The following ADAMTS2 variants were observed in gnomAD, a reference collection of about 807,000 sequenced individuals.
ADAMTS2 encodes ADAM metallopeptidase with thrombospondin type 1 motif 2, also known as A disintegrin and metalloproteinase with thrombospondin motifs 2.
A neutral mutation model predicts 123.0 loss-of-function variants in ADAMTS2; 50 were observed. That is an observed-to-expected ratio of 0.41 (90% CI 0.32 to 0.51). The LOEUF is 0.51. Among genes scored for constraint, ADAMTS2 ranks in the 20% least tolerant of loss-of-function variants. ADAMTS2 has a pLI of 0.35. For synonymous variants in ADAMTS2, 678 were observed against 695.4 expected (o/e 0.98, Z 0.39); for missense variants, 1,494 against 1,705.2 (o/e 0.88, Z 2.18).
chr5:179,245,943 G>A (rs1765794610), intron 3 of ADAMTS2, among the ~76,000 whole-genome samples: 1 of 152,030 alleles, frequency 6.6e-6, no homozygotes, highest in Non-Finnish European at 1.5e-5. Context: ...ACAGAATAGA[G>A]GACTCCAAAA....
At position 179,332,816 on chromosome 5, in the gene ADAMTS2, G is replaced by A. The variant is rs1581285922; in HGVS notation, c.534+10951C>T. Among the ~76,000 whole-genome samples the A allele has an allele frequency of 2.0e-5, 3 of 152,106 alleles. No individual in the cohort carries two copies. Among genetic ancestry groups the A allele is most frequent in the Admixed American group, 2.0e-4 (3 of 15,278 alleles). Reference sequence around the variant, plus strand: ...CCTCCCAGGGCCTGGGCACCTGCCTGGGAGGGCACTGAGGAGCACCAAGGA... The same window carrying A: ...CCTCCCAGGGCCTGGGCACCTGCCTAGGAGGGCACTGAGGAGCACCAAGGA... On this transcript the variant is annotated intron_variant, in intron 2 of 21. Transcript: ENST00000251582. This position sits in a 1 kb window ranked among gnomAD's most constrained non-coding sequence, Gnocchi z 4.2.
chr5:179,325,014 C>T (rs1757276987), intron 2 of ADAMTS2, among the ~76,000 whole-genome samples: 1 of 152,230 alleles, frequency 6.6e-6, no homozygotes, highest in South Asian at 2.1e-4. Context: ...CACCCCGACA[C>T]ACACTAGGCC....
intron 3 of ADAMTS2, among the ~76,000 whole-genome samples, chr5:179,230,628 C>T (rs1242858014): frequency 1.3e-5 from 2 of 152,226 alleles, no homozygotes; most frequent in Admixed American, 6.5e-5. Flanking sequence ...GGTGTGTCTG[C>T]GTCTATACAG....
rs73333228 is a variant in ADAMTS2, at chr5:179,260,435, G to A, written c.688+12476C>T. Among the ~76,000 whole-genome samples the A allele has an allele frequency of 2.9e-3, 439 of 152,232 alleles. 1 individual carries two copies. The highest frequency in any genetic ancestry group is 0.01 in the African/African-American group (426 of 41,546). ...TGGAGACACATCCTCACTCACCCTC[G>A]CTGGGCCCCAGTTTCTGCAGCCGTT... On this transcript the variant is annotated intron_variant, in intron 3 of 21. Transcript: ENST00000251582. The surrounding 1 kb of genome is among the most constrained non-coding windows in gnomAD (Gnocchi z 4.2).
At position 179,345,104 on chromosome 5, in the gene ADAMTS2, C is replaced by A; in HGVS notation, c.139+86G>T. The A allele has an allele frequency of 3.1e-6, 3 of 983,248 alleles. No homozygotes were observed. The highest frequency in any genetic ancestry group is 3.7e-6 in the Non-Finnish European group (3 of 813,834). 60.9% of individuals were successfully genotyped at this position (983,248 alleles called of 1,614,324 possible). On this transcript the variant is annotated intron_variant, in intron 1 of 21. Coordinates refer to ENST00000251582, the MANE Select transcript of ADAMTS2 (RefSeq NM_014244.5). This position sits in a 1 kb window ranked among gnomAD's most constrained non-coding sequence, Gnocchi z 7.5. ...CGGAGTTTGCCCAAGTCAGGCTGGACGACGCCTGGGGAGGGGGCGGCGGGG... is the reference window on the plus strand; with the variant it reads ...CGGAGTTTGCCCAAGTCAGGCTGGAAGACGCCTGGGGAGGGGGCGGCGGGG...
intron 5 of ADAMTS2, among the ~76,000 whole-genome samples, chr5:179,159,977 C>T (rs956278393): frequency 3.0e-4 from 45 of 152,138 alleles, no homozygotes; most frequent in African/African-American, 4.1e-4. Flanking sequence ...CTCCAAACAC[C>T]GAAGTAGTTC....
chr5:179,136,416 A>T (rs534938716), intron 12 of ADAMTS2, among the ~76,000 whole-genome samples: 1 of 152,178 alleles, frequency 6.6e-6, no homozygotes, highest in Admixed American at 6.5e-5. Context: ...CTGTAATCCC[A>T]GCGCTTTGGG....
intron 2 of ADAMTS2, among the ~76,000 whole-genome samples, chr5:179,327,234 T>C (rs1757341810): frequency 6.6e-6 from 1 of 152,194 alleles, no homozygotes; most frequent in Non-Finnish European, 1.5e-5. Context: ...AACTCCGCCC[T>C]GCACAATGGG....
chr5:179,280,237 C>A (rs1287616076), intron 2 of ADAMTS2, among the ~76,000 whole-genome samples: 2 of 152,176 alleles, frequency 1.3e-5, no homozygotes, highest in Non-Finnish European at 2.9e-5. Flanking sequence ...ACCAAGGAGC[C>A]CCGACAGTCA....
chr5:179,176,430 A>G (rs1309998337), intron 5 of ADAMTS2, among the ~76,000 whole-genome samples: 1 of 152,112 alleles, frequency 6.6e-6, no homozygotes, highest in Admixed American at 6.5e-5. Context: ...GGATGGCACC[A>G]GGTACCTCTA....
Position 179,129,957 on chromosome 5 carries a change from G to A in ADAMTS2, c.2432C>T (p.Pro811Leu). 4.3e-6 allele frequency: 7 copies of A among 1,613,992 alleles called. No individual in the cohort carries two copies. The highest frequency in any genetic ancestry group is 5.9e-6 in the Non-Finnish European group (7 of 1,180,030). ...DGRETLQTMGPLHGTITVLVI... is the reference protein window; with the variant it reads ...DGRETLQTMGLLHGTITVLVI... The stretch of plus-strand genomic sequence containing the variant: ...CAGAACGGTGATGGTGCCGTGGAGG[G>A]GGCCCATGGTCTGCAGCGTCTCCCG... Residue 811 changes from proline to leucine, a missense_variant, in exon 16 of 22, where the codon CCC becomes CTC. Around this residue, in one of 6 missense-constraint regions of ADAMTS2, gnomAD observed 953 missense variants for 1,124.7 expected, o/e 0.85. Coordinates refer to ENST00000251582, the MANE Select transcript of ADAMTS2 (RefSeq NM_014244.5). This position sits in a 1 kb window ranked among gnomAD's most constrained non-coding sequence, Gnocchi z 4.1.
intron 2 of ADAMTS2, among the ~76,000 whole-genome samples, chr5:179,322,132 T>A (rs1757200001): frequency 6.6e-6 from 1 of 152,238 alleles, no homozygotes; most frequent in African/African-American, 2.4e-5. Context: ...CATTTTCTCC[T>A]TTTGGCTTAT....
chr5:179,119,227 C>T (rs551781291), intron 21 of ADAMTS2, among the ~76,000 whole-genome samples: 2 of 152,294 alleles, frequency 1.3e-5, no homozygotes, highest in East Asian at 1.9e-4. Flanking sequence ...CTTTAAGCTG[C>T]GATTGCTTTT....
In ADAMTS2 at chr5:179,288,238, A is replaced by T. The variant is rs1320716208; in HGVS notation, c.535-15174T>A. On this transcript the variant is annotated intron_variant, in intron 2 of 21. Coordinates refer to ENST00000251582, the MANE Select transcript of ADAMTS2 (RefSeq NM_014244.5). ...GAATTGGGCTTCTTTTCCTGCTGTG[A>T]TCTCTGGGGCCCACTGTGCTATCCA... 2.0e-5 allele frequency among the ~76,000 whole-genome samples: 3 copies of T among 151,944 alleles called. No individual in the cohort carries two copies. The East Asian group carries it at 5.8e-4, about 29-fold the overall frequency.
intron 17 of ADAMTS2, 66 bp from the exon 18 acceptor site, chr5:179,126,196 G>A: frequency 1.9e-6 from 3 of 1,602,272 alleles, no homozygotes; most frequent in Non-Finnish European, 2.6e-6. Context: ...GCAAGGAGGG[G>A]TGGGCTGCAC....
At chr5:179,325,464 G>A (rs1462347987) in intron 2 of ADAMTS2, among the ~76,000 whole-genome samples, 2 of 152,220 alleles carry the variant, frequency 1.3e-5, no homozygotes, top group Non-Finnish European at 2.9e-5. Flanking sequence ...GCTTTCCTCT[G>A]GGGCCCATCC....
In ADAMTS2 at chr5:179,256,036, G is replaced by A. The variant is rs1197845540; in HGVS notation, c.688+16875C>T. ...CAGGTACCCACCAGTCTCCTTCTCT[G>A]TCCCCAGCCTCTCCCGCAGCTTGGC... On this transcript the variant is annotated intron_variant, in intron 3 of 21. Coordinates refer to ENST00000251582, the MANE Select transcript of ADAMTS2 (RefSeq NM_014244.5). The surrounding 1 kb of genome is among the most constrained non-coding windows in gnomAD (Gnocchi z 4.1). 6.6e-6 allele frequency among the ~76,000 whole-genome samples: 1 copy of A among 152,152 alleles called. No homozygotes were observed. The highest frequency in any genetic ancestry group is 2.4e-5 in the African/African-American group (1 of 41,438).
rs975297501 is a variant in ADAMTS2, at chr5:179,273,170, C to T, written c.535-106G>A. 9.2e-6 allele frequency: 14 copies of T among 1,515,694 alleles called. 1 individual carries two copies. The Middle Eastern group carries it at 8.6e-4, about 93-fold the overall frequency. 93.9% of individuals were successfully genotyped at this position (1,515,694 alleles called of 1,614,324 possible). A position where few individuals can be genotyped will look rare whatever the true frequency, so the allele number is the denominator to read the frequency against. On this transcript the variant is annotated intron_variant, in intron 2 of 21. Transcript: ENST00000251582. ...GAGTACCTCCCACCTGAAGACCCTGCCCAGCACCCCAGCTGGTGCTCAGCT... is the reference window on the plus strand; with the variant it reads ...GAGTACCTCCCACCTGAAGACCCTGTCCAGCACCCCAGCTGGTGCTCAGCT...
chr5:179,214,700 G>C (rs459668), intron 3 of ADAMTS2, among the ~76,000 whole-genome samples: 2 of 151,988 alleles, frequency 1.3e-5, no homozygotes, highest in African/African-American at 4.8e-5. Flanking sequence ...ATAGTCTAAG[G>C]TCTCCAAAAA....
Sources: allele counts gnomAD v4.1 joint callset (sites outside exome capture counted in the v4.1 genomes callset), GRCh38; gene constraint gnomAD v4.1.1; regional missense constraint gnomAD v4.1.1; non-coding constraint Gnocchi (gnomAD v3.1); transcripts MANE v1.5; gene names NCBI Gene and HGNC (gene_info 2026-07-23, HGNC 2026-07-21).